AOAH: variants seen among roughly 807,000 people sequenced by gnomAD.
AOAH encodes acyloxyacyl hydrolase (neutrophil).
AOAH carries 64 observed loss-of-function variants against 92.2 expected under a neutral mutation model. The ratio of observed to expected loss-of-function variants is 0.69; its 90% CI spans 0.57 to 0.86. The LOEUF is 0.86. Ranked by LOEUF, AOAH falls within the 40% of genes least tolerant of loss-of-function variation. The pLI is 0.00. For missense variants in AOAH, 656 were observed against 694.6 expected, an observed-to-expected ratio of 0.94 and a Z score of 0.62; for synonymous variants, 263 against 254.5, an observed-to-expected ratio of 1.03 and a Z score of -0.32.
chr7:36,576,809 T>G (rs1483700593), intron 12 of AOAH, among the ~76,000 whole-genome samples, 153 bp from the exon 13 acceptor site: 1 of 152,216 alleles, frequency 6.6e-6, no homozygotes, highest in Non-Finnish European at 1.5e-5. Context: ...GAACTGTGAA[T>G]GTAATATTGG....
chr7:36,700,005 T>C (rs560124893), intron 1 of AOAH, among the ~76,000 whole-genome samples: 66 of 152,116 alleles, frequency 4.3e-4, no homozygotes, highest in Non-Finnish European at 7.9e-4. Flanking sequence ...AGTCTCATTC[T>C]TATGCACGTG....
At chr7:36,574,336 A>G (rs2116616912) in intron 13 of AOAH, among the ~76,000 whole-genome samples, 1 of 152,342 alleles carries the variant, frequency 6.6e-6, no homozygotes, top group African/African-American at 2.4e-5. Flanking sequence ...TGACACGATT[A>G]GGCTCTCTTC....
At chr7:36,600,802 G>A (rs192858507) in intron 11 of AOAH, among the ~76,000 whole-genome samples, 2 of 152,300 alleles carry the variant, frequency 1.3e-5, no homozygotes, top group East Asian at 1.9e-4. Context: ...GCCTGTTTAG[G>A]GGGCAGTCTC....
chr7:36,515,209 C>CCA (rs1238061133), intron 20 of AOAH, among the ~76,000 whole-genome samples: 3 of 132,004 alleles, frequency 2.3e-5, no homozygotes, highest in Non-Finnish European at 4.8e-5. Flanking sequence ...CACACAAACA[C>CCA]CACACACACA....
chr7:36,524,516 A>G (rs149872176), intron 19 of AOAH, among the ~76,000 whole-genome samples: 1 of 137,906 alleles, frequency 7.3e-6, no homozygotes, highest in Non-Finnish European at 1.6e-5. Context: ...AAAAAAAAAA[A>G]CAAAAAAAAA....
At chr7:36,577,081 C>A (rs1379388035) in intron 12 of AOAH, among the ~76,000 whole-genome samples, 1 of 139,220 alleles carries the variant, frequency 7.2e-6, no homozygotes, top group East Asian at 2.1e-4. Flanking sequence ...TATTGTCCTT[C>A]AGCTTTATTC....
chr7:36,715,325 G>A (rs1799068115), intron 1 of AOAH, among the ~76,000 whole-genome samples: 1 of 152,070 alleles, frequency 6.6e-6, no homozygotes, highest in Admixed American at 6.5e-5. Context: ...AAATAAAAGA[G>A]GATACAAACA....
At chr7:36,670,272 T>C (rs1795835767) in intron 3 of AOAH, among the ~76,000 whole-genome samples, 1 of 152,162 alleles carries the variant, frequency 6.6e-6, no homozygotes, top group South Asian at 2.1e-4. Context: ...TCCATCAATC[T>C]CGAGCTGTGT....
At chr7:36,682,448 T>C (rs1228557395) in intron 2 of AOAH, among the ~76,000 whole-genome samples, 1 of 152,062 alleles carries the variant, frequency 6.6e-6, no homozygotes, top group Non-Finnish European at 1.5e-5. Flanking sequence ...TCAACTCCCA[T>C]ACAAAGTTAT....
At chr7:36,648,586 A>T (rs1794378540) in intron 4 of AOAH, among the ~76,000 whole-genome samples, 1 of 150,450 alleles carries the variant, frequency 6.6e-6, no homozygotes, top group Admixed American at 6.6e-5. Flanking sequence ...GTGACTTTTC[A>T]ATCACAAATT....
At chr7:36,538,309 G>A (rs973339891) in intron 16 of AOAH, among the ~76,000 whole-genome samples, 3 of 151,932 alleles carry the variant, frequency 2.0e-5, no homozygotes, top group African/African-American at 7.3e-5. Flanking sequence ...TTACAGGCAT[G>A]AGCCACCGTG....
Position 36,639,682 on chromosome 7 carries a change from T to C in AOAH, c.391-1772A>G, listed in dbSNP as rs185456127. 2.3e-3 allele frequency among the ~76,000 whole-genome samples: 345 copies of C among 152,336 alleles called. 2 individuals are homozygous for C. Among genetic ancestry groups the C allele is most frequent in the Admixed American group, 3.9e-3 (60 of 15,298 alleles). ...TGAATACCAATTCAGTAATAAATGC[T>C]TTCAAAAAAGAGCTCAATCCATGTT... On this transcript the variant is annotated intron_variant, in intron 4 of 20. Transcript: ENST00000617537.
At chr7:36,627,241 G>C (rs1792733131) in intron 6 of AOAH, among the ~76,000 whole-genome samples, 2 of 151,984 alleles carry the variant, frequency 1.3e-5, no homozygotes, top group Admixed American at 6.6e-5. Flanking sequence ...CATGTAGAGA[G>C]GAAAAAAACG....
At chr7:36,521,245 G>C (rs1039934011) in intron 20 of AOAH, among the ~76,000 whole-genome samples, 4 of 152,136 alleles carry the variant, frequency 2.6e-5, no homozygotes, top group Non-Finnish European at 4.4e-5. Flanking sequence ...CTAGTGATGT[G>C]GTATTGCCTG....
chr7:36,687,105 A>T (rs1260722131), intron 1 of AOAH, among the ~76,000 whole-genome samples: 4 of 152,138 alleles, frequency 2.6e-5, no homozygotes, highest in African/African-American at 9.7e-5. Context: ...CCAGGATAAA[A>T]TTTTTAATTT....
intron 20 of AOAH, among the ~76,000 whole-genome samples, chr7:36,521,407 C>G (rs1477089566): frequency 6.6e-6 from 1 of 152,210 alleles, no homozygotes; most frequent in Non-Finnish European, 1.5e-5. Flanking sequence ...TGGAGCTTCT[C>G]TGGTTGAAGC....
intron 3 of AOAH, chr7:36,661,267 A>T (rs1441669457): frequency 2.0e-5 from 3 of 152,218 alleles, no homozygotes; most frequent in African/African-American, 7.2e-5. Context: ...TGGTGTTAAA[A>T]ATGTTCGGCT....
intron 2 of AOAH, among the ~76,000 whole-genome samples, chr7:36,680,068 T>C (rs1367863529): frequency 6.6e-6 from 1 of 152,156 alleles, no homozygotes; most frequent in Non-Finnish European, 1.5e-5. Context: ...TTTTAACAAT[T>C]ATATTCCACA....
chr7:36,573,165 C>T (rs1562582244), intron 13 of AOAH, among the ~76,000 whole-genome samples: 1 of 152,214 alleles, frequency 6.6e-6, no homozygotes, highest in Non-Finnish European at 1.5e-5. Context: ...GCTCTGCTCT[C>T]TGTTTTCAGG....
Sources: gnomAD v4.1 joint callset for allele counts (sites outside exome capture counted in the v4.1 genomes callset) on GRCh38, gnomAD v4.1.1 for gene constraint, MANE v1.5 for transcripts, NCBI Gene and HGNC (gene_info 2026-07-23, HGNC 2026-07-21) for gene names.